CSMD1: variants seen among roughly 807,000 people sequenced by gnomAD.
The protein encoded by CSMD1 is CUB and Sushi multiple domains 1.
CSMD1 carries 213 observed loss-of-function variants against 417.5 expected under a neutral mutation model. The observed-to-expected ratio is 0.51, with a 90% CI of 0.46 to 0.57. The LOEUF (loss-of-function observed/expected upper bound fraction) is 0.57. Ranked by LOEUF, CSMD1 falls within the 20% of genes least tolerant of loss-of-function variation. The probability of loss-of-function intolerance (pLI) is 0.00; values close to 1 mark genes in which losing one functional copy is unlikely to be tolerated. For synonymous variants in CSMD1, 2,862 were observed against 1,736.8 expected (o/e 1.65, Z -16.11); for missense variants, 6,923 against 4,529.7 (o/e 1.53, Z -15.17).
intron 1 of CSMD1, among the ~76,000 whole-genome samples, chr8:4,925,759 G>A (rs1247428578): frequency 2.0e-5 from 3 of 152,032 alleles, no homozygotes; most frequent in Admixed American, 1.3e-4. Flanking sequence ...GTGTTGGTCA[G>A]GATGGTCTCA....
intron 3 of CSMD1, among the ~76,000 whole-genome samples, chr8:4,286,471 C>G (rs1797061264): frequency 6.6e-6 from 1 of 151,992 alleles, no homozygotes; most frequent in Admixed American, 6.6e-5. Context: ...CCCATTGTGC[C>G]TCTTCATTTT....
At chr8:3,644,033 A>T (rs930510203) in intron 7 of CSMD1, among the ~76,000 whole-genome samples, 3 of 152,212 alleles carry the variant, frequency 2.0e-5, no homozygotes. Context: ...CAAACATTTG[A>T]AACACAAGGA....
chr8:4,204,666 G>C lies in CSMD1; in HGVS notation c.416-172567C>G, dbSNP rs1009228770. ...TATTTTATAAAAATTATTATTAGTA[G>C]TATTTTGAGACACAGTTTCACTCTG... is the stretch of plus-strand genomic sequence containing the variant. On this transcript the variant is annotated intron_variant, in intron 3 of 69. Transcript: ENST00000635120. Among the ~76,000 whole-genome samples, 22 of 152,134 alleles carry C rather than the reference G, an allele frequency of 1.4e-4. No homozygotes were observed. In the East Asian group the frequency reaches 1.5e-3, roughly 11 times the overall value.
At chr8:4,607,533 C>T (rs1031746036) in intron 2 of CSMD1, among the ~76,000 whole-genome samples, 2 of 152,114 alleles carry the variant, frequency 1.3e-5, no homozygotes. Flanking sequence ...CAACATGGTG[C>T]TGAATTTGAC....
Position 4,267,607 on chromosome 8 carries a change from T to C in CSMD1, c.415+152346A>G, listed in dbSNP as rs1804301382. ...CACATTCTTGGTTGGTAGAAAAAAATGGACATTTATATTAAATATTAATAA... is the reference window on the plus strand; with the variant it reads ...CACATTCTTGGTTGGTAGAAAAAAACGGACATTTATATTAAATATTAATAA... On this transcript the variant is annotated intron_variant, in intron 3 of 69. Coordinates refer to ENST00000635120, the MANE Select transcript of CSMD1 (RefSeq NM_033225.6). Among the ~76,000 whole-genome samples the C allele has an allele frequency of 1.3e-5, 2 of 151,914 alleles. 1 individual carries two copies.
chr8:3,962,683 G>A (rs1344390985), intron 5 of CSMD1, among the ~76,000 whole-genome samples: 1 of 152,266 alleles, frequency 6.6e-6, no homozygotes, highest in African/African-American at 2.4e-5. Context: ...CAGCTGGGTG[G>A]GGAGTGTGGT....
intron 3 of CSMD1, among the ~76,000 whole-genome samples, chr8:4,341,551 T>C (rs1198153711): frequency 6.6e-6 from 1 of 152,136 alleles, no homozygotes; most frequent in East Asian, 1.9e-4. Flanking sequence ...TTATTTTTCC[T>C]ACAGTGTGAT....
At chr8:4,027,568 C>T (rs75547807) in intron 4 of CSMD1, among the ~76,000 whole-genome samples, 2,880 of 152,234 alleles carry the variant, frequency 0.019, 94 homozygotes, top group African/African-American at 0.065. Context: ...TCCATCATAA[C>T]TGCATGGTTC....
At chr8:3,965,834 G>T (rs1231225929) in intron 5 of CSMD1, among the ~76,000 whole-genome samples, 1 of 152,072 alleles carries the variant, frequency 6.6e-6, no homozygotes, top group Non-Finnish European at 1.5e-5. Flanking sequence ...GGCCAGGCCG[G>T]TCTTGAACTC....
At chr8:4,252,369 C>T (rs1803140506) in intron 3 of CSMD1, among the ~76,000 whole-genome samples, 1 of 152,180 alleles carries the variant, frequency 6.6e-6, no homozygotes, top group Non-Finnish European at 1.5e-5. Flanking sequence ...CCAATAGACG[C>T]TGAAGTTATG....
At chr8:4,792,305 A>G (rs557945168) in intron 1 of CSMD1, among the ~76,000 whole-genome samples, 1 of 152,330 alleles carries the variant, frequency 6.6e-6, no homozygotes, top group African/African-American at 2.4e-5. Context: ...CATGGTCCCT[A>G]AGAGTTCTAA....
At chr8:3,071,875 C>G (rs1278314993) in intron 49 of CSMD1, among the ~76,000 whole-genome samples, 1 of 152,222 alleles carries the variant, frequency 6.6e-6, no homozygotes, top group East Asian at 1.9e-4. Context: ...TCACAGAACA[C>G]TGCACCATGT....
At chr8:3,564,222 C>T (rs993597766) in intron 10 of CSMD1, among the ~76,000 whole-genome samples, 5 of 152,132 alleles carry the variant, frequency 3.3e-5, no homozygotes, top group Admixed American at 2.0e-4. Flanking sequence ...TCCTACTCTA[C>T]TATTGAATAC....
chr8:3,412,798 G>A (rs1263393318), intron 12 of CSMD1, among the ~76,000 whole-genome samples: 1 of 152,196 alleles, frequency 6.6e-6, no homozygotes, highest in Non-Finnish European at 1.5e-5. Context: ...GATGGGAATG[G>A]ATTTACTTAA....
chr8:2,942,474 G>A lies in CSMD1; in HGVS notation c.10533C>T (p.His3511=), dbSNP rs1801943406. 1.9e-6 allele frequency: 3 copies of A among 1,612,372 alleles called. No individual in the cohort carries two copies. The highest frequency in any genetic ancestry group is 2.7e-5 in the African/African-American group (2 of 74,854). Residue 3511 remains histidine (H), a splice_region_variant and synonymous_variant, in exon 69 of 70, where the codon CAC becomes CAT. Transcript: ENST00000635120. ...LSGFAFYLYK[H]RTRPKVQYNG... ...AACAGATGGTGTTTCTGCAGTACCT[G>A]TGTTTGTAGAGGTAAAATGCAAACC... is the stretch of plus-strand genomic sequence containing the variant.
At chr8:4,155,540 T>G (rs1035998879) in intron 3 of CSMD1, among the ~76,000 whole-genome samples, 1 of 152,146 alleles carries the variant, frequency 6.6e-6, no homozygotes, top group Non-Finnish European at 1.5e-5. Flanking sequence ...AAAAGTTAAG[T>G]CTTAGGCCAT....
At chr8:3,010,312 C>T (rs1350387416) in intron 52 of CSMD1, among the ~76,000 whole-genome samples, 1 of 152,196 alleles carries the variant, frequency 6.6e-6, no homozygotes, top group Non-Finnish European at 1.5e-5. Flanking sequence ...ATTTTTCGTA[C>T]CTATGCACTT....
chr8:3,910,085 A>T (rs1465668634), intron 5 of CSMD1, among the ~76,000 whole-genome samples: 1 of 152,190 alleles, frequency 6.6e-6, no homozygotes, highest in Admixed American at 6.5e-5. Context: ...CTAACATGGC[A>T]TTGGGGAAAG....
chr8:4,439,423 T>C (rs1563174090), intron 2 of CSMD1, among the ~76,000 whole-genome samples: 1 of 152,168 alleles, frequency 6.6e-6, no homozygotes. Flanking sequence ...TAATATTTAA[T>C]AATGTAATGA....
Sources: gnomAD v4.1 joint callset for allele counts (sites outside exome capture counted in the v4.1 genomes callset) on GRCh38, gnomAD v4.1.1 for gene constraint, MANE v1.5 for transcripts, NCBI Gene and HGNC (gene_info 2026-07-23, HGNC 2026-07-21) for gene names.